The following CNTNAP2 variants were observed in gnomAD, a reference collection of about 807,000 sequenced individuals.
CNTNAP2 encodes the protein contactin-associated protein-like 2.
A neutral mutation model predicts 155.2 loss-of-function variants in CNTNAP2; 98 were observed. That is an observed-to-expected ratio of 0.63 (90% confidence interval 0.54 to 0.75). The LOEUF is 0.75. CNTNAP2 is among the 30% of genes least tolerant of loss of function. The probability of loss-of-function intolerance (pLI) is 0.00; values close to 1 mark genes in which losing one functional copy is unlikely to be tolerated. For missense variants in CNTNAP2, 1,727 were observed against 1,688.1 expected (o/e 1.02, Z -0.40); for synonymous variants, 651 against 631.2 (o/e 1.03, Z -0.47).
intron 3 of CNTNAP2, among the ~76,000 whole-genome samples, chr7:146,891,821 A>G (rs539545428): frequency 2.0e-5 from 3 of 152,274 alleles, no homozygotes; most frequent in South Asian, 2.1e-4. Context: ...CAATTTACCT[A>G]TGAAGTTGGC....
chr7:148,061,193 G>C (rs1803122335), intron 15 of CNTNAP2, among the ~76,000 whole-genome samples: 1 of 147,086 alleles, frequency 6.8e-6, no homozygotes, highest in South Asian at 2.2e-4. Context: ...GTTTTAAAAA[G>C]GAGTAAATGA....
At chr7:147,935,664 A>G (rs1800594989) in intron 14 of CNTNAP2, among the ~76,000 whole-genome samples, 1 of 152,224 alleles carries the variant, frequency 6.6e-6, no homozygotes, top group Non-Finnish European at 1.5e-5. Context: ...AACTATTACA[A>G]ATATCTAGTA....
At chr7:146,271,110 GGT>G (rs1404741602) in intron 1 of CNTNAP2, among the ~76,000 whole-genome samples, 1 of 151,930 alleles carries the variant, frequency 6.6e-6, no homozygotes, top group Non-Finnish European at 1.5e-5. Context: ...GTTGTCCTAT[GGT>G]TTGCTTTTTT....
At chr7:147,491,216 C>T (rs1798603901) in intron 11 of CNTNAP2, among the ~76,000 whole-genome samples, 1 of 152,128 alleles carries the variant, frequency 6.6e-6, no homozygotes, top group African/African-American at 2.4e-5. Context: ...AACCTGATTT[C>T]CTCCCCTACA....
At chr7:146,198,311 A>G (rs745327475) in intron 1 of CNTNAP2, among the ~76,000 whole-genome samples, 4 of 152,214 alleles carry the variant, frequency 2.6e-5, no homozygotes, top group Non-Finnish European at 5.9e-5. Context: ...TTATAAATTG[A>G]AGATTCAGAA....
Position 147,518,972 on chromosome 7 carries a change from A to G in CNTNAP2, c.1777+32931A>G, listed in dbSNP as rs536444385. ...CTTGAACCCGGGAGGCGGAGGTTGC[A>G]GTGAGCCGAGATAGCGCCACTGCAC... On this transcript the variant is annotated intron_variant, in intron 11 of 23. Coordinates refer to ENST00000361727, the MANE Select transcript of CNTNAP2 (RefSeq NM_014141.6). Among the ~76,000 whole-genome samples the G allele has an allele frequency of 6.8e-3, 1,002 of 147,278 alleles. 5 individuals carry two copies. Among genetic ancestry groups the G allele is most frequent in the Non-Finnish European group, 0.011 (768 of 67,318 alleles).
Position 148,375,325 on chromosome 7 carries a change from A to AAT in CNTNAP2, c.3476-8315_3476-8314dup, listed in dbSNP as rs575817201. 1.3e-3 allele frequency among the ~76,000 whole-genome samples: 191 copies of AAT among 147,748 alleles called. 2 individuals are homozygous for AAT. The highest frequency in any genetic ancestry group is 4.3e-3 in the African/African-American group (174 of 40,794). On this transcript the variant is annotated intron_variant, in intron 21 of 23. Transcript: ENST00000361727. ...ATATAAACTATAAATATAAAATATA[A>AAT]ATATATATATTTTTATATATATATA... is the stretch of plus-strand genomic sequence containing the variant.
chr7:147,440,752 GT>G (rs917690265), intron 10 of CNTNAP2, among the ~76,000 whole-genome samples: 3 of 152,056 alleles, frequency 2.0e-5, no homozygotes, highest in Admixed American at 6.6e-5. Flanking sequence ...TAGAGTGAAG[GT>G]TTTTTCCTTT....
chr7:146,962,718 T>C (rs1364098607), intron 3 of CNTNAP2, among the ~76,000 whole-genome samples: 1 of 152,144 alleles, frequency 6.6e-6, no homozygotes, highest in Admixed American at 6.5e-5. Context: ...ATCCAGCTAA[T>C]TTTTGTATTT....
chr7:147,897,734 C>A (rs17170740), intron 13 of CNTNAP2, among the ~76,000 whole-genome samples: 2 of 152,194 alleles, frequency 1.3e-5, no homozygotes, highest in African/African-American at 4.8e-5. Context: ...ACATTTCTTT[C>A]GGTGGTTGAG....
At chr7:147,946,566 G>A (rs1302453969) in intron 14 of CNTNAP2, among the ~76,000 whole-genome samples, 2 of 152,068 alleles carry the variant, frequency 1.3e-5, no homozygotes, top group African/African-American at 2.4e-5. Context: ...ATAGTTGGTC[G>A]AGGATGGTTC....
At chr7:146,579,056 G>A (rs1287086726) in intron 1 of CNTNAP2, among the ~76,000 whole-genome samples, 2 of 151,978 alleles carry the variant, frequency 1.3e-5, no homozygotes, top group Non-Finnish European at 2.9e-5. Flanking sequence ...TACTAAATAT[G>A]TTTTTGCTGG....
rs1803597265 is a variant in CNTNAP2 at position 146,835,388 on chromosome 7, T to A, written c.209-4323T>A. 2.0e-5 allele frequency among the ~76,000 whole-genome samples: 3 copies of A among 152,184 alleles called. 1 individual carries two copies. Among genetic ancestry groups the A allele is most frequent in the Admixed American group, 2.0e-4 (3 of 15,278 alleles). The stretch of plus-strand genomic sequence containing the variant: ...TGTTGCTTTTGGTAATACATAGAAC[T>A]CTGTATGAAATTGGCTATAAAATTT... On this transcript the variant is annotated intron_variant, in intron 2 of 23. Coordinates refer to ENST00000361727, the MANE Select transcript of CNTNAP2 (RefSeq NM_014141.6).
intron 12 of CNTNAP2, among the ~76,000 whole-genome samples, chr7:147,589,663 T>C (rs546049409): frequency 1.3e-5 from 2 of 152,334 alleles, no homozygotes; most frequent in Admixed American, 1.3e-4. Flanking sequence ...TATATGCCTG[T>C]ATCATAGTGT....
chr7:146,997,224 T>A (rs1798328590), intron 3 of CNTNAP2, among the ~76,000 whole-genome samples: 1 of 152,150 alleles, frequency 6.6e-6, no homozygotes, highest in South Asian at 2.1e-4. Flanking sequence ...ATATATGGAC[T>A]TTATTATGTT....
intron 3 of CNTNAP2, among the ~76,000 whole-genome samples, chr7:146,862,699 C>G (rs1011432979): frequency 6.6e-6 from 1 of 152,158 alleles, no homozygotes; most frequent in African/African-American, 2.4e-5. Context: ...CATTTTTTAT[C>G]TGAGTTTTCT....
intron 21 of CNTNAP2, among the ~76,000 whole-genome samples, chr7:148,372,430 G>A (rs1437952055): frequency 1.3e-5 from 2 of 152,052 alleles, no homozygotes; most frequent in Admixed American, 6.6e-5. Context: ...TTAACCAGCT[G>A]GGTGCAGTGG....
At chr7:146,725,684 C>T (rs1332366130) in intron 1 of CNTNAP2, among the ~76,000 whole-genome samples, 2 of 151,968 alleles carry the variant, frequency 1.3e-5, no homozygotes, top group African/African-American at 4.8e-5. Context: ...GGTTTTTTTG[C>T]ATGCACATCT....
chr7:146,379,775 G>A (rs1030481798), intron 1 of CNTNAP2, among the ~76,000 whole-genome samples: 1 of 152,006 alleles, frequency 6.6e-6, no homozygotes, highest in Non-Finnish European at 1.5e-5. Context: ...CTTTCTATAG[G>A]CATGTGGGAC....
Sources: gnomAD v4.1 joint callset for allele counts (sites outside exome capture counted in the v4.1 genomes callset) on GRCh38, gnomAD v4.1.1 for gene constraint, MANE v1.5 for transcripts, NCBI Gene and HGNC (gene_info 2026-07-23, HGNC 2026-07-21) for gene names.